CTNNA3: variants seen among roughly 807,000 people sequenced by gnomAD.
CTNNA3 encodes the protein catenin alpha 3.
Under a neutral mutation model 95.7 loss-of-function variants are expected in CTNNA3, and 76 were observed. The observed-to-expected ratio is 0.79, with a 90% confidence interval of 0.66 to 0.96. CTNNA3 has a LOEUF of 0.96. Among genes scored for constraint, CTNNA3 ranks in the 40% least tolerant of loss-of-function variants. The pLI is 0.00. For synonymous variants in CTNNA3, 431 were observed against 374.4 expected, an observed-to-expected ratio of 1.15 and a Z score of -1.74; for missense variants, 1,191 against 1,089.8, an observed-to-expected ratio of 1.09 and a Z score of -1.31.
intron 12 of CTNNA3, among the ~76,000 whole-genome samples, chr10:66,283,779 T>C (rs544266466): frequency 2.0e-5 from 3 of 152,052 alleles, no homozygotes; most frequent in Non-Finnish European, 2.9e-5. Context: ...GGGTGTACTT[T>C]ACTTACACTA....
intron 13 of CTNNA3, among the ~76,000 whole-genome samples, chr10:66,139,368 G>A (rs948226644): frequency 6.6e-6 from 1 of 152,042 alleles, no homozygotes; most frequent in African/African-American, 2.4e-5. Flanking sequence ...TTGTGTTTCA[G>A]CTCCTAAGAG....
chr10:66,626,806 C>G (rs1457050387), intron 9 of CTNNA3, among the ~76,000 whole-genome samples: 1 of 152,036 alleles, frequency 6.6e-6, no homozygotes, highest in Non-Finnish European at 1.5e-5. Flanking sequence ...TCAAGATATT[C>G]TGATACATTA....
rs190265318 is a variant in CTNNA3, at chr10:67,738,897, G to T, written c.-2+24537C>A. ...TGAGAAGAGAAGTTTAGAGAAAAAA[G>T]AATAAAAAGAAATGAACAAAGCCTC... is the stretch of plus-strand genomic sequence containing the variant. On this transcript the variant is annotated intron_variant, in intron 1 of 17. Coordinates refer to the CTNNA3 transcript ENST00000684154. Among the ~76,000 whole-genome samples the T allele has an allele frequency of 7.9e-5, 12 of 152,158 alleles. No individual in the cohort carries two copies. In the East Asian group the frequency reaches 2.1e-3, roughly 27 times the overall value.
At chr10:66,952,447 C>A (rs1352254932) in intron 7 of CTNNA3, among the ~76,000 whole-genome samples, 2 of 152,072 alleles carry the variant, frequency 1.3e-5, no homozygotes, top group Non-Finnish European at 2.9e-5. Flanking sequence ...CTACGAAGGG[C>A]CTTGGAGACG....
chr10:67,665,307 G>T (rs1286959131), intron 1 of CTNNA3, among the ~76,000 whole-genome samples: 1 of 152,166 alleles, frequency 6.6e-6, no homozygotes, highest in Non-Finnish European at 1.5e-5. Context: ...CGGAAAAGTA[G>T]ACATTTAAAA....
intron 5 of CTNNA3, among the ~76,000 whole-genome samples, chr10:67,464,319 G>T (rs1238719564): frequency 2.0e-5 from 3 of 151,832 alleles, no homozygotes; most frequent in African/African-American, 7.3e-5. Flanking sequence ...ATTCTTCAAG[G>T]TCCAGAAACA....
At chr10:67,480,549 A>C (rs1473555490) in intron 5 of CTNNA3, among the ~76,000 whole-genome samples, 1 of 152,254 alleles carries the variant, frequency 6.6e-6, no homozygotes, top group South Asian at 2.1e-4. Context: ...AAACTGCTCA[A>C]GGCGTTCCTA....
At chr10:66,154,177 C>T (rs887874664) in intron 13 of CTNNA3, among the ~76,000 whole-genome samples, 1 of 151,846 alleles carries the variant, frequency 6.6e-6, no homozygotes, top group African/African-American at 2.4e-5. Context: ...ACATATCCAG[C>T]TTCAATTGGT....
chr10:66,216,956 T>C (rs940209006), intron 13 of CTNNA3, among the ~76,000 whole-genome samples: 4 of 152,184 alleles, frequency 2.6e-5, no homozygotes, highest in Non-Finnish European at 4.4e-5. Context: ...CTCCCTCATA[T>C]TACCCTTCTA....
intron 5 of CTNNA3, among the ~76,000 whole-genome samples, chr10:67,240,206 T>C (rs1296781311): frequency 6.6e-6 from 1 of 152,320 alleles, no homozygotes; most frequent in East Asian, 1.9e-4. Flanking sequence ...GAGATTAAGA[T>C]GTGCAGCAGA....
At chr10:66,943,358 T>C (rs1282369821) in intron 7 of CTNNA3, among the ~76,000 whole-genome samples, 8 of 152,074 alleles carry the variant, frequency 5.3e-5, no homozygotes, top group Non-Finnish European at 8.8e-5. Context: ...CTTTAACACA[T>C]CTGAGAGAGA....
At chr10:66,875,518 G>A (rs797005631) in intron 7 of CTNNA3, among the ~76,000 whole-genome samples, 1 of 152,000 alleles carries the variant, frequency 6.6e-6, no homozygotes, top group Admixed American at 6.6e-5. Context: ...TACCAAAACA[G>A]GTTAAGCCTC....
intron 5 of CTNNA3, among the ~76,000 whole-genome samples, chr10:67,272,729 T>A (rs750014929): frequency 2.7e-4 from 41 of 152,118 alleles, no homozygotes; most frequent in Non-Finnish European, 5.4e-4. Context: ...CACTAAAGCA[T>A]CTTGATAATT....
At chr10:66,920,002 G>A (rs1034883363) in intron 7 of CTNNA3, among the ~76,000 whole-genome samples, 10 of 152,114 alleles carry the variant, frequency 6.6e-5, no homozygotes, top group South Asian at 2.1e-4. Context: ...TATAATAAAT[G>A]GTTGTGGTAT....
At chr10:67,336,736 A>C (rs934099990) in intron 5 of CTNNA3, among the ~76,000 whole-genome samples, 3 of 152,214 alleles carry the variant, frequency 2.0e-5, no homozygotes, top group African/African-American at 7.2e-5. Flanking sequence ...ATTGAAGCCA[A>C]TGTTCATTTA....
In CTNNA3 at chr10:66,556,879, A is replaced by C. The variant is rs372694424; in HGVS notation, c.1375-36106T>G. Among the ~76,000 whole-genome samples, 13 of 152,230 alleles carry C rather than the reference A, an allele frequency of 8.5e-5. No individual in the cohort carries two copies. In the East Asian group the frequency reaches 2.1e-3, roughly 25 times the overall value. ...AGAATAGATTTCAGGTGCTCCCAGC[A>C]GGAAAACCAATGGTAACTATCTGAA... On this transcript the variant is annotated intron_variant, in intron 10 of 17. Coordinates refer to ENST00000433211, the MANE Select transcript of CTNNA3 (RefSeq NM_013266.4).
intron 17 of CTNNA3, among the ~76,000 whole-genome samples, chr10:65,923,165 G>C (rs1323351603): frequency 1.3e-5 from 2 of 152,108 alleles, no homozygotes; most frequent in Non-Finnish European, 2.9e-5. Flanking sequence ...AAACTATTTG[G>C]AAATGAAGTT....
chr10:65,947,808 G>A (rs1199930038), intron 17 of CTNNA3, among the ~76,000 whole-genome samples: 2 of 152,142 alleles, frequency 1.3e-5, no homozygotes, highest in Non-Finnish European at 2.9e-5. Flanking sequence ...TTTCTTACAC[G>A]TTTTTCAATC....
chr10:67,105,906 T>C (rs1858608481), intron 7 of CTNNA3, among the ~76,000 whole-genome samples: 2 of 152,162 alleles, frequency 1.3e-5, no homozygotes, highest in African/African-American at 2.4e-5. Context: ...TGTCAACATT[T>C]TTCCGCCTTT....
Sources: gnomAD v4.1 joint callset for allele counts (sites outside exome capture counted in the v4.1 genomes callset) on GRCh38, gnomAD v4.1.1 for gene constraint, MANE v1.5 for transcripts, NCBI Gene and HGNC (gene_info 2026-07-23, HGNC 2026-07-21) for gene names.